ASB15: variants seen among roughly 807,000 people sequenced by gnomAD.
ASB15 encodes the protein ankyrin repeat and SOCS box containing 15, also known as ankyrin repeat and SOCS box protein 15.
ASB15 carries 54 observed loss-of-function variants against 58.0 expected under a neutral mutation model. The ratio of observed to expected loss-of-function variants is 0.93; its 90% CI spans 0.75 to 1.17. ASB15 has a LOEUF of 1.17. Ranked by LOEUF, ASB15 falls within the 50% of genes most tolerant of loss-of-function variation. The pLI, the probability that ASB15 is intolerant of heterozygous loss-of-function variation, is 0.00. For missense variants in ASB15, 680 were observed against 707.4 expected, an observed-to-expected ratio of 0.96 and a Z score of 0.44; for synonymous variants, 249 against 262.4, an observed-to-expected ratio of 0.95 and a Z score of 0.50.
intron 7 of ASB15, among the ~76,000 whole-genome samples, chr7:123,618,604 G>A (rs1800982242): frequency 6.6e-6 from 1 of 152,102 alleles, no homozygotes; most frequent in South Asian, 2.1e-4. Flanking sequence ...TGTGTGGCGG[G>A]AGGAGGAGAC....
intron 1 of ASB15, among the ~76,000 whole-genome samples, chr7:123,583,285 A>G (rs1271500947): frequency 1.3e-5 from 2 of 152,006 alleles, no homozygotes; most frequent in African/African-American, 4.8e-5. Flanking sequence ...AAAACTGAAC[A>G]GGAAATCAGA....
intron 7 of ASB15, among the ~76,000 whole-genome samples, chr7:123,619,804 T>G (rs528318445): frequency 6.6e-6 from 1 of 152,220 alleles, no homozygotes; most frequent in East Asian, 1.9e-4. Flanking sequence ...ATTACAGGCG[T>G]GAGCCACCGC....
rs562829281 is a variant in ASB15, at chr7:123,611,321, G to T, written c.-3+2667G>T. Among the ~76,000 whole-genome samples the T allele has an allele frequency of 1.6e-4, 24 of 152,088 alleles. No homozygotes were observed. The South Asian group carries it at 3.1e-3, about 20-fold the overall frequency. ...TTTTTTTTCTTTTTTTTGAGACGGA[G>T]TCTCGCTCTGTCGCCCAGGCTGGGG... On this transcript the variant is annotated intron_variant, in intron 3 of 11. Transcript: ENST00000451215.
At chr7:123,604,911 T>G (rs992248641) in intron 2 of ASB15, among the ~76,000 whole-genome samples, 1 of 152,170 alleles carries the variant, frequency 6.6e-6, no homozygotes, top group Non-Finnish European at 1.5e-5. Flanking sequence ...TGACTACTTG[T>G]GACACGTCAG....
chr7:123,601,985 T>G (rs1799901075), intron 1 of ASB15, 71 bp downstream of exon 1: 2 of 152,168 alleles, frequency 1.3e-5, no homozygotes, highest in Non-Finnish European at 2.9e-5. Context: ...TGGTAATATT[T>G]TAAACAGATT....
intron 11 of ASB15, among the ~76,000 whole-genome samples, chr7:123,634,656 C>T (rs989919129): frequency 1.3e-5 from 2 of 152,138 alleles, no homozygotes; most frequent in Middle Eastern, 3.2e-3. Context: ...TTCTGCTTTA[C>T]ATATATGTAT....
rs149862740 is a variant in ASB15 at position 123,607,544 on chromosome 7, TG to T, written c.-63-1048del. Among the ~76,000 whole-genome samples the T allele has an allele frequency of 6.7e-3, 1,016 of 152,306 alleles. 12 individuals carry two copies. The highest frequency in any genetic ancestry group is 0.023 in the African/African-American group (974 of 41,566). ...TTTTATCACCCAAACTGGAGTGAAG[TG>T]GCATGAACATGGCTCACTGCAGCCT... is the stretch of plus-strand genomic sequence containing the variant. On this transcript the variant is annotated intron_variant, in intron 2 of 11. Transcript: ENST00000451215.
chr7:123,602,917 G>A (rs1315846112), intron 1 of ASB15, among the ~76,000 whole-genome samples: 3 of 152,120 alleles, frequency 2.0e-5, no homozygotes, highest in Non-Finnish European at 4.4e-5. Context: ...CACTAGATAT[G>A]TGGGCTTAGG....
chr7:123,578,348 T>C (rs1392122849), intron 1 of ASB15, among the ~76,000 whole-genome samples: 1 of 151,796 alleles, frequency 6.6e-6, no homozygotes, highest in East Asian at 1.9e-4. Flanking sequence ...TGACTAGAAC[T>C]CTGTTTTTTA....
rs1802470512 is a variant in ASB15, at chr7:123,637,181, C to T, written c.*200C>T. 1 of 371,026 alleles carries T rather than the reference C, an allele frequency of 2.7e-6. No individual in the cohort carries two copies. The highest frequency in any genetic ancestry group is 4.4e-5 in the Admixed American group (1 of 22,520). 23.0% of individuals were successfully genotyped at this position (371,026 alleles called of 1,614,324 possible). ...CATTTTTTAAAGATAGTATTTTGAA[C>T]TTAGATTTGTATCTTTGTTTGCTAC... On this transcript the variant is annotated 3_prime_UTR_variant, in exon 12 of 12. Coordinates refer to ENST00000451215, the MANE Select transcript of ASB15 (RefSeq NM_001290258.2).
chr7:123,615,582 A>G (rs1800747413), intron 4 of ASB15: 1 of 152,156 alleles, frequency 6.6e-6, no homozygotes, highest in South Asian at 2.1e-4. Flanking sequence ...CACTTAACAA[A>G]CACACACACC....
rs767884941 is a variant in ASB15 at position 123,627,216 on chromosome 7, C to A, written c.804C>A (p.Ser268Arg). Reference sequence around the variant, plus strand: ...CCCTCCTGCTGGAATATGGAGGAAGCGGAAATGTACCTAACCGAGCAGGAC... The same window carrying A: ...CCCTCCTGCTGGAATATGGAGGAAGAGGAAATGTACCTAACCGAGCAGGAC... ...CISLLLEYGG[S>R]GNVPNRAGHL... The change falls in exon 9 of 12, where the codon AGC becomes AGA. Residue 268 changes from serine to arginine, a missense_variant. By Grantham distance (110) the Ser-to-Arg change is moderately radical (BLOSUM62 -1). Transcript: ENST00000451215. The A allele has an allele frequency of 6.2e-7, 1 of 1,613,782 alleles. No homozygotes were observed. Among genetic ancestry groups the A allele is most frequent in the African/African-American group, 1.3e-5 (1 of 74,938 alleles).
intron 1 of ASB15, among the ~76,000 whole-genome samples, chr7:123,592,450 C>T (rs1799566409): frequency 6.6e-6 from 1 of 152,178 alleles, no homozygotes; most frequent in Non-Finnish European, 1.5e-5. Context: ...CCACACACTG[C>T]TTTAAATGTA....
intron 7 of ASB15, 41 bp downstream of exon 7, chr7:123,617,778 AAAG>A (rs1471850920): frequency 6.5e-7 from 1 of 1,546,036 alleles, no homozygotes; most frequent in Non-Finnish European, 8.9e-7. Context: ...AGTTTGAAAC[AAAG>A]AATAAGTATT....
intron 11 of ASB15, among the ~76,000 whole-genome samples, chr7:123,636,041 G>A (rs946170510): frequency 1.2e-4 from 18 of 151,848 alleles, no homozygotes; most frequent in East Asian, 1.9e-4. Flanking sequence ...ACAACCCTAC[G>A]AGATAAGTAC....
chr7:123,572,016 G>C (rs997628622), intron 1 of ASB15, among the ~76,000 whole-genome samples: 2 of 151,722 alleles, frequency 1.3e-5, no homozygotes, highest in Non-Finnish European at 2.9e-5. Context: ...TCAAATTCCT[G>C]GGCTCAAGCA....
upstream of ASB15, among the ~76,000 whole-genome samples, chr7:123,597,923 T>C (rs1423404535): frequency 3.0e-5 from 3 of 101,270 alleles, no homozygotes; most frequent in Non-Finnish European, 6.9e-5. Flanking sequence ...ACTTCGTGTG[T>C]GTGTGTGTGT....
intron 2 of ASB15, among the ~76,000 whole-genome samples, chr7:123,605,708 C>G (rs1800114639): frequency 6.6e-6 from 1 of 152,104 alleles, no homozygotes; most frequent in Non-Finnish European, 1.5e-5. Context: ...ATGGATGGAG[C>G]TGTAGGGTCA....
upstream of ASB15, among the ~76,000 whole-genome samples, chr7:123,599,655 C>T (rs1268823211): frequency 4.6e-5 from 7 of 152,148 alleles, no homozygotes. Context: ...TAGGTGGGTC[C>T]AAGGACAGTT....
Sources: gnomAD v4.1 joint callset for allele counts (sites outside exome capture counted in the v4.1 genomes callset) on GRCh38, gnomAD v4.1.1 for gene constraint, MANE v1.5 for transcripts, NCBI Gene and HGNC (gene_info 2026-07-23, HGNC 2026-07-21) for gene names.